Variants in ITIH4 observed in about 807,000 individuals in gnomAD.
ITIH4 encodes inter-alpha-trypsin inhibitor heavy chain H4.
A neutral mutation model predicts 111.8 loss-of-function variants in ITIH4; 79 were observed. That is an observed-to-expected ratio of 0.71 (90% confidence interval 0.59 to 0.85). The LOEUF is 0.85. Among genes scored for constraint, ITIH4 ranks in the 40% least tolerant of loss-of-function variants. The pLI, the probability that ITIH4 is intolerant of heterozygous loss-of-function variation, is 0.00. For synonymous variants in ITIH4, 472 were observed against 468.3 expected, an observed-to-expected ratio of 1.01 and a Z score of -0.10; for missense variants, 1,065 against 1,195.8, an observed-to-expected ratio of 0.89 and a Z score of 1.61.
At chr3:52,827,047 C>A (rs1700492627) in intron 3 of ITIH4, 46 bp downstream of exon 3, 2 of 1,611,760 alleles carry the variant, frequency 1.2e-6, no homozygotes, top group Non-Finnish European at 1.7e-6. Context: ...GGCAAGGTGG[C>A]CTTTGTCTAG....
At position 52,813,387 on chromosome 3, in the gene ITIH4, G is replaced by C; in HGVS notation, c.*34C>G. The C allele has an allele frequency of 6.2e-7, 1 of 1,602,060 alleles. No individual in the cohort carries two copies. ...CCCTGCAGTTGCAGGGGGAAGCCAA[G>C]TGTACAGGGTGGGCACAGCTCCTTC... is the stretch of plus-strand genomic sequence containing the variant. On this transcript the variant is annotated 3_prime_UTR_variant, in exon 24 of 24. Transcript: ENST00000266041.
chr3:52,829,859 C>T (rs531273254), intron 1 of ITIH4: 20 of 164,930 alleles, frequency 1.2e-4, no homozygotes, highest in African/African-American at 2.9e-4. Context: ...CTCTCTGCTC[C>T]GCAGTGGACC....
chr3:52,828,310 AG>A (rs1430070524), intron 2 of ITIH4, among the ~76,000 whole-genome samples: 1 of 152,198 alleles, frequency 6.6e-6, no homozygotes, highest in Non-Finnish European at 1.5e-5. Flanking sequence ...CAAGCTGGGC[AG>A]CATAGGCCCG....
chr3:52,830,127 A>G (rs142434526), intron 1 of ITIH4: 193 of 348,664 alleles, frequency 5.5e-4, no homozygotes, highest in Non-Finnish European at 9.7e-4. Context: ...CATAGATACA[A>G]TGGGTTTGGT....
In ITIH4 at chr3:52,819,282, C is replaced by A; in HGVS notation, c.2077+111G>T. ...TACTTCACATCGTGCCCTCAGCAGC[C>A]GTCCCTGGCCTGGCCCTGTGGTGCG... On this transcript the variant is annotated intron_variant, in intron 17 of 23. Transcript: ENST00000266041. 3.2e-6 allele frequency: 4 copies of A among 1,249,996 alleles called. No individual in the cohort carries two copies. The South Asian group carries it at 4.2e-5, about 13-fold the overall frequency. The allele number at this position is 1,249,996 out of a possible 1,614,324, so 77.4% of individuals were successfully genotyped here.
chr3:52,827,282 C>G, intron 2 of ITIH4, 85 bp from the exon 3 acceptor site: 1 of 1,038,288 alleles, frequency 9.6e-7, no homozygotes, highest in Non-Finnish European at 1.5e-6. Flanking sequence ...CCTTTCTGGA[C>G]TCGGTGTGCC....
chr3:52,820,986 C>T lies in ITIH4; in HGVS notation c.1679+5G>A. 1.9e-6 allele frequency: 3 copies of T among 1,613,314 alleles called. No homozygotes were observed. Among genetic ancestry groups the T allele is most frequent in the Middle Eastern group, 1.7e-4 (1 of 6,026 alleles). On this transcript the variant is annotated splice_donor_5th_base_variant and intron_variant, in intron 12 of 23. Transcript: ENST00000266041. The stretch of plus-strand genomic sequence containing the variant: ...ACAGGCTTAGGGAGGTGCTGATGCA[C>T]TCACGTTTGCTCCAGCAGCTGCTGG...
intron 5 of ITIH4, among the ~76,000 whole-genome samples, 154 bp from the exon 6 acceptor site, chr3:52,826,168 G>A (rs1238439637): frequency 6.6e-6 from 1 of 152,204 alleles, no homozygotes; most frequent in African/African-American, 2.4e-5. Context: ...GTTATTGATG[G>A]ACCACTTTCA....
chr3:52,813,844 A>G, intron 23 of ITIH4, 131 bp downstream of exon 23: 1 of 737,838 alleles, frequency 1.4e-6, no homozygotes, highest in East Asian at 2.7e-5. Flanking sequence ...CTTCTACAGC[A>G]TCAACCTTCC....
chr3:52,819,108 C>A, intron 17 of ITIH4: 1 of 416,144 alleles, frequency 2.4e-6, no homozygotes, highest in Non-Finnish European at 4.4e-6. Context: ...AGCTAAAGGA[C>A]CCGGGTGAGC....
At chr3:52,813,566 G>T in intron 23 of ITIH4, 76 bp from the exon 24 acceptor site, 1 of 1,328,592 alleles carries the variant, frequency 7.5e-7, no homozygotes, top group Non-Finnish European at 1.1e-6. Context: ...GAGACAGCTG[G>T]GGACAGGAAC....
intron 11 of ITIH4, chr3:52,823,295 C>T (rs1423097752): frequency 2.1e-6 from 1 of 468,672 alleles, no homozygotes; most frequent in African/African-American, 2.0e-5. Context: ...GGTACCAGGA[C>T]AGGAAGGGAT....
At chr3:52,818,778 G>C (rs778765844) in intron 17 of ITIH4, 1 of 547,996 alleles carries the variant, frequency 1.8e-6, no homozygotes, top group South Asian at 2.2e-5. Context: ...AGGGACCTCT[G>C]TTGGCTTTCT....
Position 52,813,027 on chromosome 3 carries a change from T to C in ITIH4, c.*394A>G. ...TGGTCCAAGAGACCATGAAGCAGAC[T>C]GAACCTCTGCTCCTGGAGAATGCTC... On this transcript the variant is annotated 3_prime_UTR_variant, in exon 24 of 24. Transcript: ENST00000266041. The C allele has an allele frequency of 6.0e-6, 1 of 166,782 alleles. No homozygotes were observed. Among genetic ancestry groups the C allele is most frequent in the Non-Finnish European group, 1.2e-5 (1 of 80,232 alleles). The allele number at this position is 166,782 out of a possible 1,614,324, so 10.3% of individuals were successfully genotyped here.
At chr3:52,814,404 G>A (rs191295384) in intron 21 of ITIH4, 41 bp from the exon 22 acceptor site, 24 of 1,585,666 alleles carry the variant, frequency 1.5e-5, no homozygotes, top group East Asian at 1.3e-4. Context: ...AGGTAGAGAC[G>A]TGTGCACAGA....
At position 52,826,032 on chromosome 3, in the gene ITIH4, G is replaced by C; in HGVS notation, c.631-18C>G. On this transcript the variant is annotated intron_variant, in intron 5 of 23. Transcript: ENST00000266041. The stretch of plus-strand genomic sequence containing the variant: ...ATGTGAGCCTGGAGGAATAATCCGG[G>C]CTGAAGTTGGGAGGAACAGCAAAGC... 1.2e-6 allele frequency: 2 copies of C among 1,613,788 alleles called. No individual in the cohort carries two copies. The highest frequency in any genetic ancestry group is 1.7e-6 in the Non-Finnish European group (2 of 1,179,780).
intron 21 of ITIH4, among the ~76,000 whole-genome samples, chr3:52,815,492 C>T (rs1164703399): frequency 1.3e-5 from 2 of 151,634 alleles, no homozygotes; most frequent in Non-Finnish European, 2.9e-5. Context: ...TCCACCTGCG[C>T]TGGCCTCCCA....
intron 16 of ITIH4, 62 bp downstream of exon 16, chr3:52,819,692 A>G (rs1700342810): frequency 6.3e-7 from 1 of 1,582,520 alleles, no homozygotes; most frequent in Admixed American, 1.7e-5. Flanking sequence ...ACAATAATGG[A>G]CCTCCCTCAA....
intron 13 of ITIH4, 41 bp from the exon 14 acceptor site, chr3:52,820,358 G>A (rs775822510): frequency 1.3e-6 from 2 of 1,588,410 alleles, no homozygotes; most frequent in Non-Finnish European, 8.6e-7. Context: ...GACAGACAGA[G>A]ACACAGACAG....
Sources: allele counts gnomAD v4.1 joint callset (sites outside exome capture counted in the v4.1 genomes callset), GRCh38; gene constraint gnomAD v4.1.1; transcripts MANE v1.5; gene names NCBI Gene and HGNC (gene_info 2026-07-23, HGNC 2026-07-21).